PDE4B: variants seen among roughly 807,000 people sequenced by gnomAD.
PDE4B encodes the protein phosphodiesterase 4B, also known as 3',5'-cyclic-AMP phosphodiesterase 4B.
PDE4B carries 20 observed loss-of-function variants against 82.2 expected under a neutral mutation model. The observed-to-expected ratio is 0.24, with a 90% confidence interval of 0.17 to 0.35. PDE4B has a LOEUF of 0.35. Among genes scored for constraint, PDE4B ranks in the 10% least tolerant of loss-of-function variants. The pLI, the probability that PDE4B is intolerant of heterozygous loss-of-function variation, is 1.00. For synonymous variants in PDE4B, 320 were observed against 318.9 expected, an observed-to-expected ratio of 1.00 and a Z score of -0.04; for missense variants, 655 against 907.2, an observed-to-expected ratio of 0.72 and a Z score of 3.57.
chr1:65,950,634 G>A (rs1395828952), intron 3 of PDE4B, among the ~76,000 whole-genome samples: 2 of 152,050 alleles, frequency 1.3e-5, no homozygotes, highest in African/African-American at 4.8e-5. Context: ...GTCGTACATA[G>A]AGAAAAAGAG....
intron 3 of PDE4B, among the ~76,000 whole-genome samples, chr1:66,147,062 G>A (rs1006659779): frequency 1.3e-5 from 2 of 152,176 alleles, no homozygotes; most frequent in Admixed American, 6.5e-5. Flanking sequence ...TAGGTTGACA[G>A]CATGTGAAAT....
At position 65,913,396 on chromosome 1, in the gene PDE4B, A is replaced by G. The variant is rs1205373610; in HGVS notation, c.42+40A>G. 4.4e-6 allele frequency: 7 copies of G among 1,596,610 alleles called. No homozygotes were observed. In the African/African-American group the frequency reaches 5.4e-5, roughly 12 times the overall value. On this transcript the variant is annotated intron_variant, in intron 2 of 16. Coordinates refer to ENST00000341517, the MANE Select transcript of PDE4B (RefSeq NM_002600.4). ...GTCCCAATCATGTTTGGTCTGTTCA[A>G]TAAAGAAGTCACTGGATAATTCTAT... is the stretch of plus-strand genomic sequence containing the variant.
chr1:66,204,506 C>T lies in PDE4B; in HGVS notation c.282-42954C>T, dbSNP rs192560908. Among the ~76,000 whole-genome samples, 95 of 152,388 alleles carry T rather than the reference C, an allele frequency of 6.2e-4. No homozygotes were observed. The East Asian group carries it at 0.013, about 21-fold the overall frequency. Reference sequence around the variant, plus strand: ...TGTGGTGGGCTCCACCCAGTTTGAGCTTCCTGGCTGCTTTGTTTACCTAAG... The same window carrying T: ...TGTGGTGGGCTCCACCCAGTTTGAGTTTCCTGGCTGCTTTGTTTACCTAAG... On this transcript the variant is annotated intron_variant, in intron 3 of 16. Coordinates refer to ENST00000341517, the MANE Select transcript of PDE4B (RefSeq NM_002600.4).
intron 3 of PDE4B, among the ~76,000 whole-genome samples, chr1:66,171,671 C>T (rs1332604623): frequency 1.3e-5 from 2 of 151,990 alleles, no homozygotes; most frequent in Non-Finnish European, 2.9e-5. Context: ...GCTTGTTTAC[C>T]AGCTATATAA....
In PDE4B at chr1:66,357,193, C is replaced by A. The variant is rs562458986; in HGVS notation, c.841+1573C>A. 5.9e-5 allele frequency among the ~76,000 whole-genome samples: 9 copies of A among 152,278 alleles called. No individual in the cohort carries two copies. In the East Asian group the frequency reaches 1.7e-3, roughly 29 times the overall value. ...GGGCTTGAAGACTTCTCAGAAGAGA[C>A]ACTCACTACTGGAGTTAAAGTTATA... On this transcript the variant is annotated intron_variant, in intron 9 of 16. Transcript: ENST00000341517.
chr1:66,347,573 G>C (rs758127945), intron 8 of PDE4B, among the ~76,000 whole-genome samples: 3 of 152,156 alleles, frequency 2.0e-5, no homozygotes, highest in Non-Finnish European at 4.4e-5. Flanking sequence ...AGGCCCTAGA[G>C]TTGATCTTGA....
intron 16 of PDE4B, among the ~76,000 whole-genome samples, chr1:66,370,505 C>T (rs561633208): frequency 6.6e-6 from 1 of 152,294 alleles, no homozygotes; most frequent in East Asian, 1.9e-4. Flanking sequence ...CAAAGCTCTT[C>T]ACTCTCCATC....
chr1:65,828,036 A>G (rs951843331), intron 1 of PDE4B, among the ~76,000 whole-genome samples: 1 of 152,150 alleles, frequency 6.6e-6, no homozygotes, highest in Non-Finnish European at 1.5e-5. Flanking sequence ...AGAATTCTAT[A>G]TTTTTCCTAA....
At chr1:65,883,825 C>T (rs865790782) in intron 1 of PDE4B, among the ~76,000 whole-genome samples, 13 of 152,176 alleles carry the variant, frequency 8.5e-5, no homozygotes, top group African/African-American at 2.4e-4. Context: ...TTTTGAGATA[C>T]GTCCCATCAA....
chr1:66,258,123 A>G (rs1300891098), intron 6 of PDE4B, among the ~76,000 whole-genome samples: 1 of 152,210 alleles, frequency 6.6e-6, no homozygotes, highest in African/African-American at 2.4e-5. Flanking sequence ...TGAAAGAACA[A>G]AAGGAAGATT....
intron 1 of PDE4B, among the ~76,000 whole-genome samples, chr1:65,858,184 CATT>C: frequency 6.6e-6 from 1 of 152,276 alleles, no homozygotes; most frequent in Middle Eastern, 3.4e-3. Context: ...CAGGGCAACT[CATT>C]GTAGTCCCTA....
intron 3 of PDE4B, among the ~76,000 whole-genome samples, chr1:65,995,720 T>C (rs1651504654): frequency 6.6e-6 from 1 of 152,222 alleles, no homozygotes; most frequent in South Asian, 2.1e-4. Flanking sequence ...CGATCAACAA[T>C]TGGTATTTTT....
intron 3 of PDE4B, among the ~76,000 whole-genome samples, chr1:65,926,784 T>C (rs1569709679): frequency 1.3e-5 from 2 of 150,308 alleles, no homozygotes; most frequent in Non-Finnish European, 3.0e-5. Flanking sequence ...AAATAACAAA[T>C]ACACACACAC....
At chr1:66,061,806 TGAG>T (rs1655596289) in intron 3 of PDE4B, among the ~76,000 whole-genome samples, 1 of 152,030 alleles carries the variant, frequency 6.6e-6, no homozygotes, top group South Asian at 2.1e-4. Flanking sequence ...ACCTAATGCA[TGAG>T]GAGGTTAAAA....
At chr1:65,912,322 C>T (rs1386861459) in intron 1 of PDE4B, among the ~76,000 whole-genome samples, 1 of 152,074 alleles carries the variant, frequency 6.6e-6, no homozygotes, top group Non-Finnish European at 1.5e-5. Flanking sequence ...TTTGGGCTTC[C>T]AGTGAACCCA....
intron 3 of PDE4B, among the ~76,000 whole-genome samples, chr1:65,954,729 C>T (rs907774835): frequency 2.0e-5 from 3 of 152,076 alleles, no homozygotes; most frequent in Non-Finnish European, 2.9e-5. Flanking sequence ...TCTCTCACTA[C>T]ATTTGATACT....
At chr1:66,028,902 A>C (rs1436928295) in intron 3 of PDE4B, among the ~76,000 whole-genome samples, 1 of 152,166 alleles carries the variant, frequency 6.6e-6, no homozygotes, top group African/African-American at 2.4e-5. Flanking sequence ...GGAAGTTCCA[A>C]ATTTTCCCAC....
At chr1:65,968,810 C>T (rs546569383) in intron 3 of PDE4B, among the ~76,000 whole-genome samples, 10 of 152,046 alleles carry the variant, frequency 6.6e-5, no homozygotes, top group South Asian at 2.1e-4. Context: ...GTAAACTGAC[C>T]GTTTGAAGGA....
chr1:66,243,191 A>C (rs778733725), intron 3 of PDE4B, among the ~76,000 whole-genome samples: 3 of 152,246 alleles, frequency 2.0e-5, no homozygotes, highest in African/African-American at 7.2e-5. Context: ...CGAACAAATA[A>C]ATTAATGACA....
Sources: allele counts gnomAD v4.1 joint callset (sites outside exome capture counted in the v4.1 genomes callset), GRCh38; gene constraint gnomAD v4.1.1; transcripts MANE v1.5; gene names NCBI Gene and HGNC (gene_info 2026-07-23, HGNC 2026-07-21).